The following ZNF207 variants were observed in gnomAD, a reference collection of about 807,000 sequenced individuals.
ZNF207 encodes BUB3-interacting and GLEBS motif-containing protein ZNF207.
ZNF207 carries 24 observed loss-of-function variants against 60.2 expected under a neutral mutation model. That is an observed-to-expected ratio of 0.40 (90% CI 0.29 to 0.56). ZNF207 has a LOEUF of 0.56. Among genes scored for constraint, ZNF207 ranks in the 20% least tolerant of loss-of-function variants. The pLI, the probability that ZNF207 is intolerant of heterozygous loss-of-function variation, is 0.49. For synonymous variants in ZNF207, 236 were observed against 194.7 expected (o/e 1.21, Z -1.77); for missense variants, 452 against 636.6 (o/e 0.71, Z 3.12).
chr17:32,372,257 A>G lies in ZNF207; in HGVS notation c.*2498A>G, dbSNP rs573637299. The stretch of plus-strand genomic sequence containing the variant: ...ATAGCTTGCAGTGAGCGGAGATCAC[A>G]CCACTGCACTCTAGCCTGGACGACA... On this transcript the variant is annotated 3_prime_UTR_variant, in exon 12 of 12. Transcript: ENST00000394670. The G allele has an allele frequency of 6.6e-6, 1 of 152,246 alleles. No homozygotes were observed. The highest frequency in any genetic ancestry group is 2.4e-5 in the African/African-American group (1 of 41,530). The allele number at this position is 152,246 out of a possible 1,614,324, so 9.4% of individuals were successfully genotyped here.
rs1448501591 is a variant in ZNF207, at chr17:32,379,638, G to A, written c.*9879G>A. ...TGTTGTGGTGATTCATGAGCAGTAA[G>A]CTGGAGTTAGAGTGGAAGAAGGGTT... On this transcript the variant is annotated 3_prime_UTR_variant, in exon 12 of 12. Transcript: ENST00000394670. 1 of 152,118 alleles carries A rather than the reference G, an allele frequency of 6.6e-6. No individual in the cohort carries two copies. The highest frequency in any genetic ancestry group is 1.9e-4 in the East Asian group (1 of 5,196). 9.4% of individuals were successfully genotyped at this position (152,118 alleles called of 1,614,324 possible). A position where few individuals can be genotyped will look rare whatever the true frequency, so the allele number is the denominator to read the frequency against.
Position 32,362,974 on chromosome 17 carries a change from A to G in ZNF207, c.660A>G (p.Gly220=). 6.2e-7 allele frequency: 1 copy of G among 1,613,134 alleles called. No individual in the cohort carries two copies. The highest frequency in any genetic ancestry group is 8.5e-7 in the Non-Finnish European group (1 of 1,179,790). ...PGPGIPPLMP[G]MPPGMPPPVP... ...CAGGAATACCACCTCTGATGCCTGG[A>G]ATGCCACCAGGTATATGTTAGATAA... The change falls in exon 7 of 12, where the codon GGA becomes GGG. Residue 220 remains glycine (G), a synonymous_variant. Transcript: ENST00000394670.
chr17:32,366,825 A>G (rs1905183949), intron 9 of ZNF207, 68 bp downstream of exon 9: 33 of 1,373,220 alleles, frequency 2.4e-5, no homozygotes, highest in Non-Finnish European at 9.8e-7. Context: ...GACCCTACTT[A>G]AAAAATGAAT....
Position 32,361,502 on chromosome 17 carries a change from T to G in ZNF207, c.586T>G (p.Cys196Gly). 6.2e-7 allele frequency: 1 copy of G among 1,608,032 alleles called. No homozygotes were observed. The highest frequency in any genetic ancestry group is 8.5e-7 in the Non-Finnish European group (1 of 1,177,066). Residue 196 changes from cysteine to glycine, a missense_variant, in exon 6 of 12, where the codon TGC (cysteine) becomes GGC (glycine). Physicochemically the swap from Cys to Gly is radical, Grantham distance 159. This residue lies in a region of ZNF207 where 390 missense variants were observed against 461.4 expected (regional missense o/e 0.85). Coordinates refer to ENST00000394670, the MANE Select transcript of ZNF207 (RefSeq NM_001098507.2). ...HHQRKYTQSFCGENIMMPMGG... is the reference protein window; with the variant it reads ...HHQRKYTQSFGGENIMMPMGG... ...TCAGAGAAAATACACCCAGTCATTTTGCGGTGAAAACATGTAAGCATCTCA... is the reference window on the plus strand; with the variant it reads ...TCAGAGAAAATACACCCAGTCATTTGGCGGTGAAAACATGTAAGCATCTCA...
chr17:32,360,345 A>G (rs1904797176), intron 3 of ZNF207, among the ~76,000 whole-genome samples: 1 of 152,146 alleles, frequency 6.6e-6, no homozygotes, highest in South Asian at 2.1e-4. Flanking sequence ...GCAAGACTTT[A>G]CTAAAAATTT....
rs1472185619 is a variant in ZNF207, at chr17:32,375,068, G to GTA, written c.*5310_*5311dup. 1.3e-5 allele frequency: 2 copies of GTA among 152,172 alleles called. No homozygotes were observed. Among genetic ancestry groups the GTA allele is most frequent in the African/African-American group, 4.8e-5 (2 of 41,410 alleles). 9.4% of individuals were successfully genotyped at this position (152,172 alleles called of 1,614,324 possible). A position where few individuals can be genotyped will look rare whatever the true frequency, so the allele number is the denominator to read the frequency against. ...TCCAGATAGCAGTTTACTCTGAGCA[G>GTA]TAACAATGAACAAGCAGTATAGCAT... On this transcript the variant is annotated 3_prime_UTR_variant, in exon 12 of 12. Transcript: ENST00000394670.
Position 32,350,272 on chromosome 17 carries a change from G to A in ZNF207, c.-14G>A, listed in dbSNP as rs749415532. 10 of 1,613,930 alleles carry A rather than the reference G, an allele frequency of 6.2e-6. No individual in the cohort carries two copies. The highest frequency in any genetic ancestry group is 1.3e-5 in the African/African-American group (1 of 74,922). On this transcript the variant is annotated 5_prime_UTR_variant, in exon 1 of 12. Coordinates refer to ENST00000394670, the MANE Select transcript of ZNF207 (RefSeq NM_001098507.2). Reference sequence around the variant, plus strand: ...CTTTTCTCCTCCCTTTTACTTTGCCGGTAGAACACAGTTATGGGTCGCAAG... The same window carrying A: ...CTTTTCTCCTCCCTTTTACTTTGCCAGTAGAACACAGTTATGGGTCGCAAG...
At chr17:32,357,354 T>A (rs577820398) in intron 2 of ZNF207, among the ~76,000 whole-genome samples, 1,262 of 78,384 alleles carry the variant, frequency 0.016, 4 homozygotes, top group Admixed American at 0.028. Flanking sequence ...TATTATTATT[T>A]TTTTTTTTTT....
At chr17:32,361,046 A>T in intron 5 of ZNF207, 79 bp downstream of exon 5, 1 of 1,467,922 alleles carries the variant, frequency 6.8e-7, no homozygotes, top group Non-Finnish European at 9.4e-7. Flanking sequence ...TATGAATGAA[A>T]TGTTACTTTC....
chr17:32,367,263 A>ATGTATG (rs1567824922), intron 9 of ZNF207, among the ~76,000 whole-genome samples: 1 of 114,838 alleles, frequency 8.7e-6, no homozygotes, highest in Non-Finnish European at 1.8e-5. Context: ...ATATATATAT[A>ATGTATG]TATATATATA....
At chr17:32,356,820 G>T (rs1477444876) in intron 2 of ZNF207, among the ~76,000 whole-genome samples, 1 of 152,068 alleles carries the variant, frequency 6.6e-6, no homozygotes, top group African/African-American at 2.4e-5. Context: ...AAGATTAGAA[G>T]CGCTTATGTA....
intron 2 of ZNF207, among the ~76,000 whole-genome samples, chr17:32,357,598 C>T (rs1597768227): frequency 2.0e-5 from 3 of 151,728 alleles, no homozygotes; most frequent in Admixed American, 2.0e-4. Context: ...CCGCCCGCCT[C>T]GGCCTCCCAA....
chr17:32,351,732 A>G (rs2041512073), intron 1 of ZNF207, 54 bp from the exon 2 acceptor site: 4 of 1,610,348 alleles, frequency 2.5e-6, no homozygotes, highest in Non-Finnish European at 3.4e-6. Context: ...ATATGTTTTT[A>G]TTATAGGCAG....
In ZNF207 at chr17:32,351,890, G is replaced by T; in HGVS notation, c.146G>T (p.Gly49Val). Residue 49 changes from glycine to valine, a missense_variant, in exon 2 of 12, where the codon GGC becomes GTC. By Grantham distance (109) the Gly-to-Val change is moderately radical (BLOSUM62 -3). Coordinates refer to ENST00000394670, the MANE Select transcript of ZNF207 (RefSeq NM_001098507.2). ...CACAAGAAATTGTATACAGGACCTGGCTTAGCTATTCATTGCATGCAGGTA... is the reference window on the plus strand; with the variant it reads ...CACAAGAAATTGTATACAGGACCTGTCTTAGCTATTCATTGCATGCAGGTA... ...ICHKKLYTGP[G>V]LAIHCMQVHK... 1 of 1,573,628 alleles carries T rather than the reference G, an allele frequency of 6.4e-7. No individual in the cohort carries two copies. The highest frequency in any genetic ancestry group is 1.4e-5 in the African/African-American group (1 of 73,446).
At position 32,378,097 on chromosome 17, in the gene ZNF207, C is replaced by A. The variant is rs1905741065; in HGVS notation, c.*8338C>A. The A allele has an allele frequency of 6.6e-6, 1 of 152,538 alleles. No homozygotes were observed. Among genetic ancestry groups the A allele is most frequent in the African/African-American group, 2.4e-5 (1 of 41,546 alleles). The allele number at this position is 152,538 out of a possible 1,614,324, so 9.4% of individuals were successfully genotyped here. On this transcript the variant is annotated 3_prime_UTR_variant, in exon 12 of 12. Coordinates refer to ENST00000394670, the MANE Select transcript of ZNF207 (RefSeq NM_001098507.2). ...ATGTTAGTATAACTAATAATAGATC[C>A]ATTGGACACTTTAAACACTCAGTAC...
intron 3 of ZNF207, among the ~76,000 whole-genome samples, chr17:32,359,114 GT>G (rs1904712793): frequency 6.7e-6 from 1 of 148,238 alleles, no homozygotes; most frequent in South Asian, 2.1e-4. Context: ...ATTTTTGTTT[GT>G]TTTTGTTTTT....
chr17:32,358,454 G>T (rs779829028), intron 2 of ZNF207, 49 bp from the exon 3 acceptor site: 9 of 1,499,056 alleles, frequency 6.0e-6, no homozygotes, highest in South Asian at 1.4e-5. Context: ...GATTAACTTG[G>T]AATTATTCTT....
rs1597800467 is a variant in ZNF207, at chr17:32,374,313, A to T, written c.*4554A>T. ...GCTCACTACAACCTCCACCTCCTGG[A>T]TTCAAGCGATTCTCCTGTCTCAGCC... On this transcript the variant is annotated 3_prime_UTR_variant, in exon 12 of 12. Coordinates refer to ENST00000394670, the MANE Select transcript of ZNF207 (RefSeq NM_001098507.2). The T allele has an allele frequency of 7.1e-6, 1 of 141,014 alleles. No homozygotes were observed. Among genetic ancestry groups the T allele is most frequent in the East Asian group, 2.1e-4 (1 of 4,798 alleles). 8.7% of individuals were successfully genotyped at this position (141,014 alleles called of 1,614,324 possible). A position where few individuals can be genotyped will look rare whatever the true frequency, so the allele number is the denominator to read the frequency against.
At chr17:32,355,912 G>C (rs1904479182) in intron 2 of ZNF207, among the ~76,000 whole-genome samples, 1 of 152,172 alleles carries the variant, frequency 6.6e-6, no homozygotes. Flanking sequence ...GGTGAAGTGT[G>C]ATTACGGTGC....
Sources: gnomAD v4.1 joint callset for allele counts (sites outside exome capture counted in the v4.1 genomes callset) on GRCh38, gnomAD v4.1.1 for gene constraint, gnomAD v4.1.1 regional missense constraint, MANE v1.5 for transcripts, NCBI Gene and HGNC (gene_info 2026-07-23, HGNC 2026-07-21) for gene names.